TMC4: variants seen among roughly 807,000 people sequenced by gnomAD.
The protein encoded by TMC4 is voltage-gated chloride channel TMC4.
A neutral mutation model predicts 82.0 loss-of-function variants in TMC4; 70 were observed. The observed-to-expected ratio is 0.85, with a 90% CI of 0.70 to 1.04. The LOEUF (loss-of-function observed/expected upper bound fraction) is 1.04. Among genes scored for constraint, TMC4 ranks in the 50% least tolerant of loss-of-function variants. The pLI is 0.00. For missense variants in TMC4, 879 were observed against 899.0 expected, an observed-to-expected ratio of 0.98 and a Z score of 0.28; for synonymous variants, 446 against 406.0, an observed-to-expected ratio of 1.10 and a Z score of -1.18.
Position 54,169,528 on chromosome 19 carries a change from T to C in TMC4, c.426A>G (p.Thr142=). 6.2e-7 allele frequency: 1 copy of C among 1,612,910 alleles called. No individual in the cohort carries two copies. Among genetic ancestry groups the C allele is most frequent in the East Asian group, 2.2e-5 (1 of 44,802 alleles). Reference sequence around the variant, plus strand: ...CCACCGCACCCCCGATCCTCTTCAGTGTCCACGCCCAGGGCTGCAGGCTTC... The same window carrying C: ...CCACCGCACCCCCGATCCTCTTCAGCGTCCACGCCCAGGGCTGCAGGCTTC... ...GLRSLQPWAW[T]LKRIGGQFGA... Residue 142 remains threonine, a synonymous_variant, in exon 3 of 15, where the codon ACA becomes ACG. Coordinates refer to ENST00000619895, the MANE Select transcript of TMC4 (RefSeq NM_144686.4).
intron 13 of TMC4, 96 bp from the exon 14 acceptor site, chr19:54,160,641 C>T (rs1250331830): frequency 1.9e-6 from 3 of 1,572,978 alleles, no homozygotes; most frequent in Middle Eastern, 3.4e-4. Flanking sequence ...ACGCCTAAGC[C>T]CCTCCTCGTC....
At chr19:54,161,307 T>C in intron 11 of TMC4, 47 bp from the exon 12 acceptor site, 1 of 1,383,738 alleles carries the variant, frequency 7.2e-7, no homozygotes, top group East Asian at 2.7e-5. Context: ...CACAAGAGTC[T>C]GTGCCTCCAT....
chr19:54,168,368 G>C, intron 4 of TMC4, 76 bp from the exon 5 acceptor site: 2 of 1,525,054 alleles, frequency 1.3e-6, no homozygotes, highest in Non-Finnish European at 1.8e-6. Context: ...AGGGTCTGGG[G>C]TCAGGGTTTG....
rs770372525 is a variant in TMC4 at position 54,168,647 on chromosome 19, GAGA to G, written c.473_475del (p.Phe158del). On this transcript the variant is annotated inframe_deletion, in exon 4 of 15. Coordinates refer to ENST00000619895, the MANE Select transcript of TMC4 (RefSeq NM_144686.4). The stretch of plus-strand genomic sequence containing the variant: ...AAGAAGGAGCAGGAAGCGCAGCAGG[GAGA>G]AGTAGGACTCCGTGCCGGCGCCAAA... 3.2e-6 allele frequency: 5 copies of G among 1,579,060 alleles called. No homozygotes were observed. The highest frequency in any genetic ancestry group is 2.3e-5 in the East Asian group (1 of 43,362).
intron 5 of TMC4, 58 bp downstream of exon 5, chr19:54,168,113 A>G (rs912517377): frequency 2.0e-6 from 3 of 1,525,420 alleles, no homozygotes; most frequent in Non-Finnish European, 2.7e-6. Flanking sequence ...TGCCACCACC[A>G]CTTGCTTCCC....
intron 1 of TMC4, chr19:54,172,666 A>G (rs2075936612): frequency 1.1e-5 from 3 of 274,854 alleles, no homozygotes; most frequent in African/African-American, 2.2e-5. Context: ...CCCTGGACCC[A>G]GGGGTCCACA....
chr19:54,162,627 C>T (rs755995344), intron 10 of TMC4, 46 bp downstream of exon 10: 2 of 1,472,442 alleles, frequency 1.4e-6, no homozygotes, highest in East Asian at 2.3e-5. Flanking sequence ...TGGGGCACGG[C>T]CTCGTCCTAG....
At position 54,163,024 on chromosome 19, in the gene TMC4, C is replaced by G; in HGVS notation, c.1404+9G>C. On this transcript the variant is annotated intron_variant, in intron 9 of 14. Transcript: ENST00000619895. ...CCAAGAGTCCCACGCACACCCATGC[C>G]GTTCTCACCGGAAGTTGTTTGTAAT... is the stretch of plus-strand genomic sequence containing the variant. 6.2e-7 allele frequency: 1 copy of G among 1,614,146 alleles called. No individual in the cohort carries two copies. The highest frequency in any genetic ancestry group is 8.5e-7 in the Non-Finnish European group (1 of 1,180,030).
intron 13 of TMC4, 160 bp from the exon 14 acceptor site, chr19:54,160,705 T>C: frequency 7.0e-7 from 1 of 1,427,090 alleles, no homozygotes; most frequent in Non-Finnish European, 9.4e-7. Context: ...CCAGGAGTCC[T>C]ACGTCCCGCC....
rs762064134 is a variant in TMC4, at chr19:54,172,098, G to C, written c.80-15C>G. ...CAGCGATGGGCCTGGGGAGGAGCAG[G>C]GGGCTGGGAAGACCCGGGAGTCTGG... On this transcript the variant is annotated splice_polypyrimidine_tract_variant and intron_variant, in intron 1 of 14. Transcript: ENST00000619895. The C allele has an allele frequency of 6.5e-7, 1 of 1,529,006 alleles. No individual in the cohort carries two copies. Among genetic ancestry groups the C allele is most frequent in the African/African-American group, 1.4e-5 (1 of 71,480 alleles). 94.7% of individuals were successfully genotyped at this position (1,529,006 alleles called of 1,614,324 possible). A position where few individuals can be genotyped will look rare whatever the true frequency, so the allele number is the denominator to read the frequency against.
chr19:54,164,188 T>C (rs573429146), intron 7 of TMC4, among the ~76,000 whole-genome samples: 4 of 151,958 alleles, frequency 2.6e-5, no homozygotes, highest in Non-Finnish European at 5.9e-5. Flanking sequence ...TTGGTCAGGC[T>C]GGTCTGGAAC....
chr19:54,160,649 G>C (rs935565151), intron 13 of TMC4, 104 bp from the exon 14 acceptor site: 4 of 1,557,878 alleles, frequency 2.6e-6, no homozygotes, highest in African/African-American at 1.4e-5. Flanking sequence ...GCCCCTCCTC[G>C]TCTGGGCTCA....
In TMC4 at chr19:54,162,392, G is replaced by A. The variant is rs111613244; in HGVS notation, c.1503-107C>T. 6.6e-5 allele frequency: 40 copies of A among 604,912 alleles called. No homozygotes were observed. In the Admixed American group the frequency reaches 9.2e-4, roughly 14 times the overall value. The allele number at this position is 604,912 out of a possible 1,614,324, so 37.5% of individuals were successfully genotyped here. On this transcript the variant is annotated intron_variant, in intron 10 of 14. Coordinates refer to ENST00000619895, the MANE Select transcript of TMC4 (RefSeq NM_144686.4). ...TAGGAAGCATGCGTATTGGTGGTGG[G>A]GGGGGGGGGGGCGGGACTTTCAGGA...
Position 54,169,667 on chromosome 19 carries a change from G to A in TMC4, c.294-7C>T, listed in dbSNP as rs769261587. On this transcript the variant is annotated splice_region_variant and splice_polypyrimidine_tract_variant and intron_variant, in intron 2 of 14. Coordinates refer to ENST00000619895, the MANE Select transcript of TMC4 (RefSeq NM_144686.4). ...CCTGCTGGCATTTCTTTGCCTGGGA[G>A]GGAAACAGGCAGAAAATGAGGGGTT... The A allele has an allele frequency of 5.6e-6, 9 of 1,612,842 alleles. No individual in the cohort carries two copies. The East Asian group carries it at 1.8e-4, about 32-fold the overall frequency.
At position 54,163,751 on chromosome 19, in the gene TMC4, C is replaced by T; in HGVS notation, c.1250G>A (p.Ser417Asn). The change falls in exon 8 of 15, where the codon AGT (serine) becomes AAT (asparagine). Residue 417 changes from serine to asparagine, a missense_variant. Physicochemically the swap from Ser to Asn is conservative, Grantham distance 46. Coordinates refer to ENST00000619895, the MANE Select transcript of TMC4 (RefSeq NM_144686.4). The part of the protein sequence containing the change: ...LIAPLEGYTR[S>N]RQIVFILLRT... ...GAGCAGGATAAAAACGATCTGGCGA[C>T]TCCGAGTGTAGCCCTCCAGTGGAGC... 6.2e-7 allele frequency: 1 copy of T among 1,614,132 alleles called. No individual in the cohort carries two copies. Among genetic ancestry groups the T allele is most frequent in the Non-Finnish European group, 8.5e-7 (1 of 1,180,034 alleles).
chr19:54,162,620 G>A (rs2075592504), intron 10 of TMC4, 53 bp downstream of exon 10: 2 of 1,420,672 alleles, frequency 1.4e-6, no homozygotes, highest in Admixed American at 1.7e-5. Context: ...AGCGCGATGG[G>A]GCACGGCCTC....
chr19:54,162,984 C>T (rs376250559), intron 9 of TMC4, 49 bp downstream of exon 9: 2 of 1,613,932 alleles, frequency 1.2e-6, no homozygotes, highest in African/African-American at 2.7e-5. Flanking sequence ...CCAGCTCCAT[C>T]TTTCCTTCAG....
Position 54,169,605 on chromosome 19 carries a change from G to A in TMC4, c.349C>T (p.Arg117Ter), listed in dbSNP as rs139987490. The A allele has an allele frequency of 1.1e-5, 17 of 1,613,976 alleles. No individual in the cohort carries two copies. Among genetic ancestry groups the A allele is most frequent in the Admixed American group, 5.0e-5 (3 of 60,002 alleles). Reference sequence around the variant, plus strand: ...GACCTCCGAAGTAGCCGCGCCCATCGGTCCGTCTTAGTTCCAGAGCCATAG... The same window carrying A: ...GACCTCCGAAGTAGCCGCGCCCATCAGTCCGTCTTAGTTCCAGAGCCATAG... ...VVYGSGTKTD[R>*]WARLLRRSKE... The change falls in exon 3 of 15, where the codon CGA (arginine) becomes TGA (stop). Residue 117 changes from arginine to a stop codon, truncating the protein, a stop_gained. Coordinates refer to ENST00000619895, the MANE Select transcript of TMC4 (RefSeq NM_144686.4). LOFTEE classifies it high-confidence loss of function.
At position 54,169,675 on chromosome 19, in the gene TMC4, G is replaced by T. The variant is rs112861106; in HGVS notation, c.294-15C>A. Reference sequence around the variant, plus strand: ...CATTTCTTTGCCTGGGAGGGAAACAGGCAGAAAATGAGGGGTTTCGCAGCC... The same window carrying T: ...CATTTCTTTGCCTGGGAGGGAAACATGCAGAAAATGAGGGGTTTCGCAGCC... On this transcript the variant is annotated splice_polypyrimidine_tract_variant and intron_variant, in intron 2 of 14. Transcript: ENST00000619895. The T allele has an allele frequency of 6.2e-7, 1 of 1,612,356 alleles. No individual in the cohort carries two copies. Among genetic ancestry groups the T allele is most frequent in the Non-Finnish European group, 8.5e-7 (1 of 1,179,582 alleles).
Sources: allele counts gnomAD v4.1 joint callset (sites outside exome capture counted in the v4.1 genomes callset), GRCh38; gene constraint gnomAD v4.1.1; transcripts MANE v1.5; gene names NCBI Gene and HGNC (gene_info 2026-07-23, HGNC 2026-07-21).